ANGPTL7: variants seen among roughly 807,000 people sequenced by gnomAD.
ANGPTL7 encodes the protein angiopoietin-related protein 7.
ANGPTL7 carries 37 observed loss-of-function variants against 38.8 expected under a neutral mutation model. The observed-to-expected ratio is 0.95, with a 90% CI of 0.73 to 1.25. The LOEUF (loss-of-function observed/expected upper bound fraction) is 1.25. Ranked by LOEUF, ANGPTL7 falls within the 50% of genes most tolerant of loss-of-function variation. The probability of loss-of-function intolerance (pLI) is 0.00; values close to 1 mark genes in which losing one functional copy is unlikely to be tolerated. For missense variants in ANGPTL7, 427 were observed against 438.6 expected, an observed-to-expected ratio of 0.97 and a Z score of 0.24; for synonymous variants, 166 against 163.2, an observed-to-expected ratio of 1.02 and a Z score of -0.13.
intron 3 of ANGPTL7, 64 bp from the exon 4 acceptor site, chr1:11,194,397 G>A: frequency 6.8e-7 from 1 of 1,480,154 alleles, no homozygotes; most frequent in Non-Finnish European, 9.4e-7. Context: ...GGAGAGAAGG[G>A]GTATAGAGAC....
Position 11,195,355 on chromosome 1 carries a change from G to A in ANGPTL7, c.*332G>A, listed in dbSNP as rs1645746024. 6 of 229,184 alleles carry A rather than the reference G, an allele frequency of 2.6e-5. No homozygotes were observed. The highest frequency in any genetic ancestry group is 1.9e-4 in the East Asian group (2 of 10,366). 14.2% of individuals were successfully genotyped at this position (229,184 alleles called of 1,614,324 possible). ...TGTGAAAGAAAATAATTTTGAGATC[G>A]TTTTATCTATTTTCTCTACGGCTTA... On this transcript the variant is annotated 3_prime_UTR_variant, in exon 5 of 5. Transcript: ENST00000376819.
In ANGPTL7 at chr1:11,192,359, C is replaced by G; in HGVS notation, c.466C>G (p.Pro156Ala). The G allele has an allele frequency of 6.2e-7, 1 of 1,612,758 alleles. No individual in the cohort carries two copies. Residue 156 changes from proline to alanine, a missense_variant, in exon 2 of 5, where the codon CCT (proline) becomes GCT (alanine). Transcript: ENST00000376819. ...KLPPDDFLGS[P>A]ELEVFCDMET... ...TCCTCCTGATGACTTCCTGGGCAGC[C>G]CTGAACTGGAGGTGAGGTCATTACA...
At position 11,189,927 on chromosome 1, in the gene ANGPTL7, A is replaced by AGCACAGACGGTCACTCAGACCTCC. The variant is rs1645462381; in HGVS notation, c.352_375dup (p.Gln118_Ala125dup). On this transcript the variant is annotated inframe_insertion, in exon 1 of 5. Transcript: ENST00000376819. The stretch of plus-strand genomic sequence containing the variant: ...AAATTGACATCATGCAGCTGCAGGC[A>AGCACAGACGGTCACTCAGACCTCC]GCACAGACGGTCACTCAGACCTCCG... The AGCACAGACGGTCACTCAGACCTCC allele has an allele frequency of 6.2e-7, 1 of 1,613,008 alleles. No homozygotes were observed. Among genetic ancestry groups the AGCACAGACGGTCACTCAGACCTCC allele is most frequent in the African/African-American group, 1.3e-5 (1 of 74,934 alleles).
intron 1 of ANGPTL7, among the ~76,000 whole-genome samples, chr1:11,190,210 A>T (rs775288443): frequency 6.6e-6 from 1 of 152,196 alleles, no homozygotes; most frequent in African/African-American, 2.4e-5. Context: ...GGTTTGCCCA[A>T]AGTCACCCAG....
intron 3 of ANGPTL7, among the ~76,000 whole-genome samples, 186 bp downstream of exon 3, chr1:11,193,960 C>T (rs1645670441): frequency 2.0e-5 from 3 of 152,156 alleles, no homozygotes; most frequent in South Asian, 4.1e-4. Flanking sequence ...CCCCCCCAAC[C>T]CCCCGACAAA....
chr1:11,189,643 C>T lies in ANGPTL7; in HGVS notation c.64C>T (p.His22Tyr). 1 of 1,614,074 alleles carries T rather than the reference C, an allele frequency of 6.2e-7. No homozygotes were observed. Among genetic ancestry groups the T allele is most frequent in the Non-Finnish European group, 8.5e-7 (1 of 1,180,012 alleles). ...CATTTTCATCGTGGCCTTTGTCAGCCACCCAGCGTGGCTGCAGAAGCTCTC... is the reference window on the plus strand; with the variant it reads ...CATTTTCATCGTGGCCTTTGTCAGCTACCCAGCGTGGCTGCAGAAGCTCTC... ...LCIFIVAFVSHPAWLQKLSKH... is the reference protein window; with the variant it reads ...LCIFIVAFVSYPAWLQKLSKH... The change falls in exon 1 of 5, where the codon CAC becomes TAC. Residue 22 changes from histidine to tyrosine, a missense_variant. Coordinates refer to ENST00000376819, the MANE Select transcript of ANGPTL7 (RefSeq NM_021146.4).
chr1:11,191,683 T>A (rs1352247801), intron 1 of ANGPTL7, among the ~76,000 whole-genome samples: 1 of 152,182 alleles, frequency 6.6e-6, no homozygotes, highest in Non-Finnish European at 1.5e-5. Flanking sequence ...TTAACAAAAC[T>A]TCTGGGAGGA....
Position 11,189,552 on chromosome 1 carries a change from G to A in ANGPTL7, c.-28G>A. On this transcript the variant is annotated 5_prime_UTR_variant, in exon 1 of 5. Coordinates refer to ENST00000376819, the MANE Select transcript of ANGPTL7 (RefSeq NM_021146.4). Reference sequence around the variant, plus strand: ...GCATCTCCAGACTCCCCTGAAGGAAGAGCCTTCCTCACCCAAACCCACAAA... The same window carrying A: ...GCATCTCCAGACTCCCCTGAAGGAAAAGCCTTCCTCACCCAAACCCACAAA... 6.4e-7 allele frequency: 1 copy of A among 1,562,318 alleles called. No homozygotes were observed. The highest frequency in any genetic ancestry group is 8.6e-7 in the Non-Finnish European group (1 of 1,156,592).
rs769738671 is a variant in ANGPTL7, at chr1:11,194,586, T to C, written c.798T>C (p.His266=). 5 of 1,614,138 alleles carry C rather than the reference T, an allele frequency of 3.1e-6. No homozygotes were observed. In the South Asian group the frequency reaches 3.3e-5, roughly 11 times the overall value. ...TGGGGAACGACGCCCTCCAGTATCA[T>C]AACAACACAGCCTTCAGCACCAAGG... ...GNVGNDALQY[H]NNTAFSTKDK... Residue 266 remains histidine, a synonymous_variant, in exon 4 of 5, where the codon CAT becomes CAC. Transcript: ENST00000376819.
At chr1:11,194,394 A>C in intron 3 of ANGPTL7, 67 bp from the exon 4 acceptor site, 1 of 1,452,430 alleles carries the variant, frequency 6.9e-7, no homozygotes, top group East Asian at 2.3e-5. Flanking sequence ...TCAGGAGAGA[A>C]GGGGTATAGA....
intron 1 of ANGPTL7, 22 bp downstream of exon 1, chr1:11,189,977 G>T: frequency 6.3e-7 from 1 of 1,584,182 alleles, no homozygotes; most frequent in South Asian, 1.2e-5. Context: ...AGTCCCCTGA[G>T]GGAGCGTGGA....
At chr1:11,191,812 G>C (rs1234876856) in intron 1 of ANGPTL7, among the ~76,000 whole-genome samples, 2 of 152,100 alleles carry the variant, frequency 1.3e-5, no homozygotes, top group Admixed American at 6.5e-5. Flanking sequence ...CACCATCTCT[G>C]AACAACAACA....
chr1:11,194,342 A>G, intron 3 of ANGPTL7, 119 bp from the exon 4 acceptor site: 1 of 936,130 alleles, frequency 1.1e-6, no homozygotes, highest in Non-Finnish European at 1.7e-6. Context: ...ATAAAGTCTT[A>G]TTAGATTCAC....
Position 11,189,387 on chromosome 1 carries a change from C to T in ANGPTL7, c.-193C>T. On this transcript the variant is annotated 5_prime_UTR_variant, in exon 1 of 5. Transcript: ENST00000376819. ...GAAGGAAAGCTATAGGCTACCCATT[C>T]AGCTCCCCTGTCAGAGACTCAAGCT... is the stretch of plus-strand genomic sequence containing the variant. 1.5e-6 allele frequency: 1 copy of T among 679,700 alleles called. No homozygotes were observed. Among genetic ancestry groups the T allele is most frequent in the Non-Finnish European group, 2.5e-6 (1 of 405,948 alleles). 42.1% of individuals were successfully genotyped at this position (679,700 alleles called of 1,614,324 possible). A position where few individuals can be genotyped will look rare whatever the true frequency, so the allele number is the denominator to read the frequency against.
Position 11,189,566 on chromosome 1 carries a change from C to T in ANGPTL7, c.-14C>T. The T allele has an allele frequency of 6.3e-7, 1 of 1,579,906 alleles. No homozygotes were observed. The highest frequency in any genetic ancestry group is 8.6e-7 in the Non-Finnish European group (1 of 1,164,272). ...CCCTGAAGGAAGAGCCTTCCTCACC[C>T]AAACCCACAAAAGATGCTGAAAAAG... On this transcript the variant is annotated 5_prime_UTR_variant, in exon 1 of 5. Transcript: ENST00000376819.
In ANGPTL7 at chr1:11,194,544, G is replaced by C; in HGVS notation, c.756G>C (p.Gly252=). ...TCAACAGCTATCGCCTCTTCCTGGG[G>C]AACTACACTGGCAATGTGGGGAACG... ...NELNSYRLFL[G]NYTGNVGNDA... is the part of the protein sequence containing the mutation. Residue 252 remains glycine, a synonymous_variant, in exon 4 of 5, where the codon GGG becomes GGC. Transcript: ENST00000376819. 6.2e-7 allele frequency: 1 copy of C among 1,614,074 alleles called. No homozygotes were observed. Among genetic ancestry groups the C allele is most frequent in the Middle Eastern group, 1.6e-4 (1 of 6,062 alleles).
chr1:11,194,817 G>A, intron 4 of ANGPTL7, 37 bp from the exon 5 acceptor site: 1 of 1,611,090 alleles, frequency 6.2e-7, no homozygotes, highest in Non-Finnish European at 8.5e-7. Flanking sequence ...GTCTATCACA[G>A]TCAACTTACT....
At position 11,193,582 on chromosome 1, in the gene ANGPTL7, G is replaced by A. The variant is rs778031405; in HGVS notation, c.480G>A (p.Val160=). Residue 160 remains valine, a splice_region_variant and synonymous_variant, in exon 3 of 5, where the codon GTG becomes GTA. Transcript: ENST00000376819. Reference sequence around the variant, plus strand: ...CCAGAGTATCCCCTCTGCTTCAGGTGTTCTGTGACATGGAGACTTCAGGCG... The same window carrying A: ...CCAGAGTATCCCCTCTGCTTCAGGTATTCTGTGACATGGAGACTTCAGGCG... ...DDFLGSPELE[V]FCDMETSGGG... 1 of 1,585,204 alleles carries A rather than the reference G, an allele frequency of 6.3e-7. No individual in the cohort carries two copies. Among genetic ancestry groups the A allele is most frequent in the Non-Finnish European group, 8.6e-7 (1 of 1,165,512 alleles).
rs370389671 is a variant in ANGPTL7, at chr1:11,194,888, C to A, written c.906C>A (p.Asn302Lys). ...GGTACAACTGCTGCACAGACTCCAA[C>A]CTCAATGGAGTGTACTACCGCCTGG... is the stretch of plus-strand genomic sequence containing the variant. ...GYWYNCCTDSNLNGVYYRLGE... is the reference protein window; with the variant it reads ...GYWYNCCTDSKLNGVYYRLGE... The change falls in exon 5 of 5, where the codon AAC becomes AAA. Residue 302 changes from asparagine (N) to lysine (K), a missense_variant. By Grantham distance (94) the Asn-to-Lys change is moderately conservative. Transcript: ENST00000376819. 3.8e-5 allele frequency: 62 copies of A among 1,614,066 alleles called. No homozygotes were observed. The highest frequency in any genetic ancestry group is 8.3e-5 in the Admixed American group (5 of 59,996).
Sources: allele counts gnomAD v4.1 joint callset (sites outside exome capture counted in the v4.1 genomes callset), GRCh38; gene constraint gnomAD v4.1.1; transcripts MANE v1.5; gene names NCBI Gene and HGNC (gene_info 2026-07-23, HGNC 2026-07-21).